ARHGAP12: variants seen among roughly 807,000 people sequenced by gnomAD.
The protein encoded by ARHGAP12 is Rho GTPase activating protein 12.
ARHGAP12 carries 64 observed loss-of-function variants against 108.6 expected under a neutral mutation model. That is an observed-to-expected ratio of 0.59 (90% confidence interval 0.48 to 0.73). ARHGAP12 has a LOEUF of 0.73. Among genes scored for constraint, ARHGAP12 ranks in the 30% least tolerant of loss-of-function variants. The pLI, the probability that ARHGAP12 is intolerant of heterozygous loss-of-function variation, is 0.00. For synonymous variants in ARHGAP12, 312 were observed against 337.2 expected, an observed-to-expected ratio of 0.93 and a Z score of 0.82; for missense variants, 940 against 1,005.9, an observed-to-expected ratio of 0.93 and a Z score of 0.89.
At chr10:31,831,998 ATAAT>A (rs1442149654) in intron 9 of ARHGAP12, among the ~76,000 whole-genome samples, 198 bp from the exon 10 acceptor site, 1 of 152,190 alleles carries the variant, frequency 6.6e-6, no homozygotes, top group African/African-American at 2.4e-5. Context: ...TCTTAATTTT[ATAAT>A]TAAACACTTC....
At chr10:31,808,498 T>G (rs982436845) in intron 19 of ARHGAP12, 151 bp downstream of exon 19, 13 of 631,468 alleles carry the variant, frequency 2.1e-5, no homozygotes, top group Non-Finnish European at 3.4e-5. Context: ...GACAGACTGA[T>G]ACTAAAAGGA....
At chr10:31,920,589 T>C (rs576727430) in intron 1 of ARHGAP12, among the ~76,000 whole-genome samples, 1 of 152,226 alleles carries the variant, frequency 6.6e-6, no homozygotes, top group Admixed American at 6.5e-5. Flanking sequence ...TTATTCAAAT[T>C]GATTTTAACA....
At chr10:31,907,138 C>T (rs756335616) in intron 3 of ARHGAP12, among the ~76,000 whole-genome samples, 2 of 152,160 alleles carry the variant, frequency 1.3e-5, no homozygotes, top group Non-Finnish European at 2.9e-5. Flanking sequence ...GGGCACCCCT[C>T]GCAATTATTC....
At chr10:31,900,525 A>G (rs916073665) in intron 3 of ARHGAP12, among the ~76,000 whole-genome samples, 2 of 152,232 alleles carry the variant, frequency 1.3e-5, no homozygotes, top group Non-Finnish European at 1.5e-5. Flanking sequence ...ATAAAAAGAA[A>G]TGAGCTGTCA....
intron 1 of ARHGAP12, among the ~76,000 whole-genome samples, chr10:31,914,875 T>C (rs1839491731): frequency 6.6e-6 from 1 of 152,172 alleles, no homozygotes; most frequent in African/African-American, 2.4e-5. Context: ...ATAGGCAAGA[T>C]ATAGAATTAA....
intron 3 of ARHGAP12, among the ~76,000 whole-genome samples, chr10:31,882,039 C>T (rs1592330251): frequency 6.6e-6 from 1 of 150,656 alleles, no homozygotes; most frequent in Non-Finnish European, 1.5e-5. Flanking sequence ...CTCAGCCTCC[C>T]AAGTAGCTGG....
At chr10:31,926,765 AAAG>A (rs1840065738) in intron 1 of ARHGAP12, among the ~76,000 whole-genome samples, 2 of 152,148 alleles carry the variant, frequency 1.3e-5, no homozygotes, top group South Asian at 4.2e-4. Context: ...CTTTCTAATT[AAAG>A]AAAAGTCAAA....
intron 3 of ARHGAP12, among the ~76,000 whole-genome samples, chr10:31,889,096 G>A (rs1838304808): frequency 6.6e-6 from 1 of 152,158 alleles, no homozygotes; most frequent in African/African-American, 2.4e-5. Flanking sequence ...ATCTTTAGTA[G>A]AGACAGGGTT....
At chr10:31,832,560 T>C (rs1835870965) in intron 9 of ARHGAP12, among the ~76,000 whole-genome samples, 1 of 152,216 alleles carries the variant, frequency 6.6e-6, no homozygotes, top group Non-Finnish European at 1.5e-5. Context: ...ATGAATTTAA[T>C]TAAAATGAGC....
chr10:31,886,624 A>C (rs1394580834), intron 3 of ARHGAP12, among the ~76,000 whole-genome samples: 1 of 152,240 alleles, frequency 6.6e-6, no homozygotes, highest in Non-Finnish European at 1.5e-5. Flanking sequence ...ATATACTCCA[A>C]TGTACAGTAA....
chr10:31,916,673 G>C (rs563719797), intron 1 of ARHGAP12, among the ~76,000 whole-genome samples: 2 of 152,242 alleles, frequency 1.3e-5, no homozygotes, highest in South Asian at 4.2e-4. Flanking sequence ...CTGGAGTGCA[G>C]TGGCGCCATC....
intron 3 of ARHGAP12, among the ~76,000 whole-genome samples, chr10:31,864,849 A>G (rs1010961372): frequency 1.3e-5 from 2 of 152,214 alleles, no homozygotes; most frequent in African/African-American, 2.4e-5. Flanking sequence ...GAACCTCGTA[A>G]CATGGTAAAG....
At chr10:31,882,571 T>C (rs1276204079) in intron 3 of ARHGAP12, among the ~76,000 whole-genome samples, 1 of 152,088 alleles carries the variant, frequency 6.6e-6, no homozygotes, top group Non-Finnish European at 1.5e-5. Flanking sequence ...TCCCAGCACT[T>C]TGGGAGGCTG....
At chr10:31,849,630 C>A (rs746501614) in intron 6 of ARHGAP12, among the ~76,000 whole-genome samples, 4 of 152,154 alleles carry the variant, frequency 2.6e-5, no homozygotes, top group Admixed American at 6.5e-5. Context: ...AGCACTTTTC[C>A]TTATTTCCTC....
chr10:31,819,009 G>A (rs1336134264), intron 12 of ARHGAP12, among the ~76,000 whole-genome samples: 2 of 151,962 alleles, frequency 1.3e-5, no homozygotes, highest in African/African-American at 4.8e-5. Flanking sequence ...ACTCTGCTCT[G>A]TTATAGGTTC....
intron 1 of ARHGAP12, among the ~76,000 whole-genome samples, chr10:31,912,882 CTTA>C (rs1433704103): frequency 6.6e-6 from 1 of 152,172 alleles, no homozygotes; most frequent in Non-Finnish European, 1.5e-5. Flanking sequence ...AAGAAAAAAA[CTTA>C]TTATAAATTA....
At position 31,807,002 on chromosome 10, in the gene ARHGAP12, C is replaced by T. The variant is rs980111861; in HGVS notation, c.*656G>A. 3 of 152,424 alleles carry T rather than the reference C, an allele frequency of 2.0e-5. No individual in the cohort carries two copies. Among genetic ancestry groups the T allele is most frequent in the African/African-American group, 4.8e-5 (2 of 41,394 alleles). The allele number at this position is 152,424 out of a possible 1,614,324, so 9.4% of individuals were successfully genotyped here. A position where few individuals can be genotyped will look rare whatever the true frequency, so the allele number is the denominator to read the frequency against. On this transcript the variant is annotated 3_prime_UTR_variant, in exon 20 of 20. Coordinates refer to ENST00000344936, the MANE Select transcript of ARHGAP12 (RefSeq NM_018287.7). ...CCCTAAAATGCCCTGAACTGACTTCCGCTAACTAAAACTCCAGTATATCAC... is the reference window on the plus strand; with the variant it reads ...CCCTAAAATGCCCTGAACTGACTTCTGCTAACTAAAACTCCAGTATATCAC...
intron 1 of ARHGAP12, among the ~76,000 whole-genome samples, chr10:31,918,718 A>G (rs1839667083): frequency 6.6e-6 from 1 of 152,206 alleles, no homozygotes; most frequent in Admixed American, 6.5e-5. Context: ...ATAAATAAAT[A>G]TAACTAAATA....
At chr10:31,905,435 T>C (rs1839094582) in intron 3 of ARHGAP12, among the ~76,000 whole-genome samples, 1 of 152,196 alleles carries the variant, frequency 6.6e-6, no homozygotes, top group African/African-American at 2.4e-5. Flanking sequence ...ATGAGTATCT[T>C]TAGCAGAAAC....
Sources: gnomAD v4.1 joint callset for allele counts (sites outside exome capture counted in the v4.1 genomes callset) on GRCh38, gnomAD v4.1.1 for gene constraint, MANE v1.5 for transcripts, NCBI Gene and HGNC (gene_info 2026-07-23, HGNC 2026-07-21) for gene names.